The following ZNF732 variants were observed in gnomAD, a reference collection of about 807,000 sequenced individuals.
The protein encoded by ZNF732 is zinc finger protein 732, also known as zinc finger protein LOC654254.
ZNF732 carries 12 observed loss-of-function variants against 11.5 expected under a neutral mutation model. The ratio of observed to expected loss-of-function variants is 1.05; its 90% confidence interval spans 0.67 to 1.70. ZNF732 has a LOEUF of 1.70. Among genes scored for constraint, ZNF732 ranks in the 40% most tolerant of loss-of-function variants. The pLI is 0.00. For missense variants in ZNF732, 702 were observed against 676.9 expected, an observed-to-expected ratio of 1.04 and a Z score of -0.41; for synonymous variants, 231 against 236.5, an observed-to-expected ratio of 0.98 and a Z score of 0.21.
chr4:271,692 G>T lies in ZNF732; in HGVS notation c.1165C>A (p.Pro389Thr), dbSNP rs1553837525. 2 of 1,612,558 alleles carry T rather than the reference G, an allele frequency of 1.2e-6. No individual in the cohort carries two copies. Among genetic ancestry groups the T allele is most frequent in the Admixed American group, 3.3e-5 (2 of 59,760 alleles). Reference sequence around the variant, plus strand: ...TTTCCACATTCTTCACATGTGTAGGGTTTCTCTCCAGTATGAATACTCTTA... The same window carrying T: ...TTTCCACATTCTTCACATGTGTAGGTTTTCTCTCCAGTATGAATACTCTTA... ...KHKSIHTGEK[P>T]YTCEECGKAF... The change falls in exon 4 of 4, where the codon CCC becomes ACC. Residue 389 changes from proline to threonine, a missense_variant. By Grantham distance (38) the Pro-to-Thr change is conservative. Transcript: ENST00000419098.
At position 271,765 on chromosome 4, in the gene ZNF732, A is replaced by G. The variant is rs1560155323; in HGVS notation, c.1092T>C (p.Cys364=). ...GTCTAAAGGCTTTGCCACATTGTTC[A>G]CATTTGTAGGGCTTCTCTCCAGTAT... ...RIHTGEKPYK[C]EQCGKAFRQS... is the part of the protein sequence containing the mutation. Residue 364 remains cysteine (C), a synonymous_variant, in exon 4 of 4, where the codon TGT becomes TGC. Coordinates refer to ENST00000419098, the MANE Select transcript of ZNF732 (RefSeq NM_001137608.3). 3.7e-6 allele frequency: 6 copies of G among 1,612,294 alleles called. No individual in the cohort carries two copies. Among genetic ancestry groups the G allele is most frequent in the Non-Finnish European group, 5.1e-6 (6 of 1,178,972 alleles).
At position 272,477 on chromosome 4, in the gene ZNF732, T is replaced by G; in HGVS notation, c.380A>C (p.Asn127Thr). ...CKRKVQKGGY[N>T]EFNQCLSTIQ... ...AGTTGACAAGCATTGATTAAATTCA[T>G]TATAACCTCCTTTCTGCACCTTCCT... is the stretch of plus-strand genomic sequence containing the variant. The change falls in exon 4 of 4, where the codon AAT becomes ACT. Residue 127 changes from asparagine (N) to threonine (T), a missense_variant. This residue lies in a region of ZNF732 where 596 missense variants were observed against 557.9 expected (regional missense o/e 1.07). Coordinates refer to ENST00000419098, the MANE Select transcript of ZNF732 (RefSeq NM_001137608.3). 1 of 1,602,584 alleles carries G rather than the reference T, an allele frequency of 6.2e-7. No individual in the cohort carries two copies.
chr4:295,015 T>A lies in ZNF732; in HGVS notation c.226+423A>T, dbSNP rs186285353. Among the ~76,000 whole-genome samples, 52 of 152,322 alleles carry A rather than the reference T, an allele frequency of 3.4e-4. 1 individual carries two copies. In the East Asian group the frequency reaches 9.4e-3, roughly 28 times the overall value. On this transcript the variant is annotated intron_variant, in intron 3 of 3. Transcript: ENST00000419098. ...GAAAAGACGCAACATCTGTCCCTGA[T>A]GTTCTTGGGATTTCTGAACCAAATT... is the stretch of plus-strand genomic sequence containing the variant.
intron 3 of ZNF732, among the ~76,000 whole-genome samples, chr4:273,964 T>C (rs1479056846): frequency 6.6e-6 from 1 of 150,998 alleles, no homozygotes; most frequent in Admixed American, 6.6e-5. Context: ...AACCAAATGC[T>C]GAAAAAGTAT....
intron 3 of ZNF732, among the ~76,000 whole-genome samples, chr4:284,373 AC>A (rs1719681346): frequency 6.6e-6 from 1 of 152,228 alleles, no homozygotes; most frequent in Non-Finnish European, 1.5e-5. Context: ...GTATCTTGAG[AC>A]AAATGAAAAT....
rs146854504 is a variant in ZNF732 at position 299,862 on chromosome 4, ATTT to A, written c.4-3710_4-3708del. 6.4e-5 allele frequency among the ~76,000 whole-genome samples: 8 copies of A among 124,314 alleles called. No individual in the cohort carries two copies. The East Asian group carries it at 9.6e-4, about 15-fold the overall frequency. 81.6% of individuals were successfully genotyped at this position (124,314 alleles called of 152,430 possible). ...CAGGCATGCGCCACCATGCCGGCTA[ATTT>A]TTTTTTTTTTTTTTTTTAAGTAGAG... On this transcript the variant is annotated intron_variant, in intron 1 of 3. Coordinates refer to ENST00000419098, the MANE Select transcript of ZNF732 (RefSeq NM_001137608.3).
chr4:272,017 A>C lies in ZNF732; in HGVS notation c.840T>G (p.Cys280Trp), dbSNP rs560119786. 3.7e-6 allele frequency: 6 copies of C among 1,609,912 alleles called. No individual in the cohort carries two copies. The South Asian group carries it at 6.6e-5, about 18-fold the overall frequency. The change falls in exon 4 of 4, where the codon TGT (cysteine) becomes TGG (tryptophan). Residue 280 changes from cysteine to tryptophan, a missense_variant. Around this residue, in one of 3 missense-constraint regions of ZNF732, gnomAD observed 596 missense variants for 557.9 expected, o/e 1.07. Transcript: ENST00000419098. ...RIHAEEKPFT[C>W]EECGKIITSS... Reference sequence around the variant, plus strand: ...AGGTAATGATTTTGCCACATTCTTCACATGTGAAGGGTTTCTCTTCAGCAT... The same window carrying C: ...AGGTAATGATTTTGCCACATTCTTCCCATGTGAAGGGTTTCTCTTCAGCAT...
chr4:299,427 A>G lies in ZNF732; in HGVS notation c.4-3272T>C, dbSNP rs1330836388. 1.8e-4 allele frequency among the ~76,000 whole-genome samples: 15 copies of G among 81,792 alleles called. No individual in the cohort carries two copies. The East Asian group carries it at 2.8e-3, about 15-fold the overall frequency. 53.7% of individuals were successfully genotyped at this position (81,792 alleles called of 152,430 possible). A position where few individuals can be genotyped will look rare whatever the true frequency, so the allele number is the denominator to read the frequency against. On this transcript the variant is annotated intron_variant, in intron 1 of 3. Transcript: ENST00000419098. Reference sequence around the variant, plus strand: ...TGTATATATATATACACATATATACACATATGTGTATATATATATATATAC... The same window carrying G: ...TGTATATATATATACACATATATACGCATATGTGTATATATATATATATAC...
chr4:303,056 G>A (rs1018872260), intron 1 of ZNF732, among the ~76,000 whole-genome samples: 2 of 152,120 alleles, frequency 1.3e-5, no homozygotes, highest in African/African-American at 2.4e-5. Context: ...ATACTGTGGC[G>A]AGCAATATCC....
chr4:284,943 A>G (rs1553840450), intron 3 of ZNF732, among the ~76,000 whole-genome samples: 2 of 151,968 alleles, frequency 1.3e-5, no homozygotes, highest in Admixed American at 1.3e-4. Flanking sequence ...AAGGCAGAGA[A>G]AGAATTTACA....
chr4:283,017 C>T (rs904361553), intron 3 of ZNF732, among the ~76,000 whole-genome samples: 5 of 152,016 alleles, frequency 3.3e-5, no homozygotes, highest in Non-Finnish European at 5.9e-5. Context: ...GGTTTGAGTG[C>T]CCCCTCCAAA....
chr4:301,057 G>C (rs1553843556), intron 1 of ZNF732, among the ~76,000 whole-genome samples: 1 of 152,156 alleles, frequency 6.6e-6, no homozygotes, highest in African/African-American at 2.4e-5. Context: ...GTGGGCGAAG[G>C]ATATGAATAG....
chr4:303,702 ACCATTAAG>A (rs1469253123), intron 1 of ZNF732, among the ~76,000 whole-genome samples: 3 of 152,236 alleles, frequency 2.0e-5, no homozygotes, highest in Non-Finnish European at 2.9e-5. Context: ...CTAAAGAGAG[ACCATTAAG>A]CCGCGTCTAA....
chr4:296,032 G>C lies in ZNF732; in HGVS notation c.127C>G (p.Leu43Val). ...MLENYRNLIS[L>V]GVAISNPDLV... ...TATTTACTGAAGTTATCCTCACCCA[G>C]GGAGATCAGGTTCCTGTAGTTCTCC... The change falls in exon 2 of 4, where the codon CTG becomes GTG. Residue 43 changes from leucine (L) to valine (V), a missense_variant. Physicochemically the swap from Leu to Val is conservative, Grantham distance 32. Around this residue, in one of 3 missense-constraint regions of ZNF732, gnomAD observed 596 missense variants for 557.9 expected, o/e 1.07. Coordinates refer to ENST00000419098, the MANE Select transcript of ZNF732 (RefSeq NM_001137608.3). 2.5e-6 allele frequency: 4 copies of C among 1,612,330 alleles called. No homozygotes were observed. The highest frequency in any genetic ancestry group is 3.4e-6 in the Non-Finnish European group (4 of 1,179,592).
intron 3 of ZNF732, among the ~76,000 whole-genome samples, chr4:279,540 GTGT>G (rs1719575460): frequency 6.6e-6 from 1 of 151,894 alleles, no homozygotes; most frequent in South Asian, 2.1e-4. Flanking sequence ...AAGTAAAATG[GTGT>G]TCTTCAGGAC....
rs572659989 is a variant in ZNF732, at chr4:288,945, T to C, written c.226+6493A>G. ...TATTCACTGTATTAGTTTATCCTCG[T>C]ATTGCTATAAATACCTGACACTGGA... On this transcript the variant is annotated intron_variant, in intron 3 of 3. Coordinates refer to ENST00000419098, the MANE Select transcript of ZNF732 (RefSeq NM_001137608.3). Among the ~76,000 whole-genome samples the C allele has an allele frequency of 2.0e-5, 3 of 152,304 alleles. No homozygotes were observed. In the South Asian group the frequency reaches 6.2e-4, roughly 32 times the overall value.
chr4:291,150 A>G (rs1719836748), intron 3 of ZNF732, among the ~76,000 whole-genome samples: 1 of 152,248 alleles, frequency 6.6e-6, no homozygotes, highest in African/African-American at 2.4e-5. Context: ...TCATGCATAT[A>G]TATGAAACCC....
chr4:279,445 C>CAA lies in ZNF732; in HGVS notation c.227-6817_227-6816dup, dbSNP rs71166804. On this transcript the variant is annotated intron_variant, in intron 3 of 3. Coordinates refer to ENST00000419098, the MANE Select transcript of ZNF732 (RefSeq NM_001137608.3). Reference sequence around the variant, plus strand: ...TGGGTGACAGAGCGAGACTCCGTCTCAAAAAAAAAAAACAACAACCAGACA... The same window carrying CAA: ...TGGGTGACAGAGCGAGACTCCGTCTCAAAAAAAAAAAAAACAACAACCAGACA... 1.2e-3 allele frequency among the ~76,000 whole-genome samples: 154 copies of CAA among 130,982 alleles called. 3 individuals carry two copies. In the East Asian group the frequency reaches 0.014, roughly 12 times the overall value. 85.9% of individuals were successfully genotyped at this position (130,982 alleles called of 152,430 possible).
chr4:286,522 T>C (rs1319151156), intron 3 of ZNF732, among the ~76,000 whole-genome samples: 1 of 152,206 alleles, frequency 6.6e-6, no homozygotes, highest in Non-Finnish European at 1.5e-5. Flanking sequence ...TAAGACTTTA[T>C]TTAGGTGGAG....
Sources: allele counts gnomAD v4.1 joint callset (sites outside exome capture counted in the v4.1 genomes callset), GRCh38; gene constraint gnomAD v4.1.1; regional missense constraint gnomAD v4.1.1; transcripts MANE v1.5; gene names NCBI Gene and HGNC (gene_info 2026-07-23, HGNC 2026-07-21).